Variants in CARMIL1 observed in about 807,000 individuals in gnomAD.
CARMIL1 encodes the protein F-actin-uncapping protein LRRC16A.
A neutral mutation model predicts 177.1 loss-of-function variants in CARMIL1; 90 were observed. The ratio of observed to expected loss-of-function variants is 0.51; its 90% CI spans 0.43 to 0.61. CARMIL1 has a LOEUF of 0.61. CARMIL1 is among the 20% of genes least tolerant of loss of function. CARMIL1 has a pLI of 0.00. For missense variants in CARMIL1, 1,380 were observed against 1,667.0 expected (o/e 0.83, Z 3.00); for synonymous variants, 577 against 606.2 (o/e 0.95, Z 0.71).
At chr6:25,350,207 T>G (rs2150356378) in intron 2 of CARMIL1, among the ~76,000 whole-genome samples, 1 of 152,240 alleles carries the variant, frequency 6.6e-6, no homozygotes. Context: ...CAGTATTAAC[T>G]CCCCTCCAGG....
At chr6:25,514,550 C>CAAAAA (rs66490833) in intron 20 of CARMIL1, among the ~76,000 whole-genome samples, 16,524 of 83,306 alleles carry the variant, frequency 0.2, 1,631 homozygotes, top group Non-Finnish European at 0.24. Context: ...GACCTTGTCT[C>CAAAAA]AAAAAAAAAA....
chr6:25,617,032 A>C (rs936993408), intron 36 of CARMIL1, among the ~76,000 whole-genome samples: 2 of 152,222 alleles, frequency 1.3e-5, no homozygotes, highest in African/African-American at 2.4e-5. Context: ...ATGGAGGTGA[A>C]TATATTTAGA....
chr6:25,412,520 G>T (rs546555901), intron 2 of CARMIL1, among the ~76,000 whole-genome samples: 1 of 152,326 alleles, frequency 6.6e-6, no homozygotes, highest in East Asian at 1.9e-4. Context: ...AGTCTAGGCT[G>T]CAGTGAGCTG....
rs760218120 is a variant in CARMIL1, at chr6:25,491,991, T to C, written c.1187T>C (p.Val396Ala). The stretch of plus-strand genomic sequence containing the variant: ...CGTGGATGCCTTCAATATTTAGCTG[T>C]GCTCAACCTCTCCAGAACTGTCTTC... ...LLRGCLQYLA[V>A]LNLSRTVFSH... Residue 396 changes from valine to alanine, a missense_variant, in exon 15 of 37, where the codon GTG becomes GCG. Val to Ala is a moderately conservative substitution (Grantham distance 64). Transcript: ENST00000329474. The C allele has an allele frequency of 1.2e-6, 2 of 1,613,816 alleles. No homozygotes were observed. The highest frequency in any genetic ancestry group is 1.1e-5 in the South Asian group (1 of 91,070).
At position 25,488,726 on chromosome 6, in the gene CARMIL1, G is replaced by A. The variant is rs552610919; in HGVS notation, c.1065+141G>A. 23 of 701,648 alleles carry A rather than the reference G, an allele frequency of 3.3e-5. No individual in the cohort carries two copies. The African/African-American group carries it at 3.9e-4, about 12-fold the overall frequency. The allele number at this position is 701,648 out of a possible 1,614,324, so 43.5% of individuals were successfully genotyped here. ...TTGAATCATTTAGTTACGAGCTTAT[G>A]AAGTGTTTTACTGAAAATTCCAGAG... On this transcript the variant is annotated intron_variant, in intron 13 of 36. Coordinates refer to ENST00000329474, the MANE Select transcript of CARMIL1 (RefSeq NM_017640.6).
At chr6:25,610,586 C>T (rs141013336) in intron 36 of CARMIL1, among the ~76,000 whole-genome samples, 215 of 152,206 alleles carry the variant, frequency 1.4e-3, no homozygotes, top group Middle Eastern at 6.8e-3. Context: ...TGCTATAGTT[C>T]AGGAGCAGCA....
chr6:25,396,207 C>T (rs9467484), intron 2 of CARMIL1, among the ~76,000 whole-genome samples: 63,671 of 151,692 alleles, frequency 0.42, 13,562 homozygotes, highest in Middle Eastern at 0.58. Context: ...TTTTATAAGC[C>T]ACAACATTAT....
At chr6:25,298,953 C>T (rs979836144) in intron 2 of CARMIL1, among the ~76,000 whole-genome samples, 1 of 151,896 alleles carries the variant, frequency 6.6e-6, no homozygotes, top group African/African-American at 2.4e-5. Context: ...AGGGTTTCTC[C>T]ATGTTTCAGG....
Position 25,553,878 on chromosome 6 carries a change from C to T in CARMIL1, c.2505-131C>T, listed in dbSNP as rs535949607. On this transcript the variant is annotated intron_variant, in intron 27 of 36. Coordinates refer to ENST00000329474, the MANE Select transcript of CARMIL1 (RefSeq NM_017640.6). ...TTGGAAATCCTTAGTCCTGTTCACA[C>T]ATTCTTATATTCCACTTTCAAAGAC... The T allele has an allele frequency of 2.0e-5, 13 of 641,962 alleles. No individual in the cohort carries two copies. In the East Asian group the frequency reaches 3.6e-4, roughly 18 times the overall value. The allele number at this position is 641,962 out of a possible 1,614,324, so 39.8% of individuals were successfully genotyped here.
At chr6:25,472,260 A>G (rs1016670040) in intron 10 of CARMIL1, among the ~76,000 whole-genome samples, 167 bp from the exon 11 acceptor site, 16 of 152,146 alleles carry the variant, frequency 1.1e-4, no homozygotes, top group African/African-American at 3.6e-4. Context: ...GTGGCTTTAC[A>G]AATTCTCTAA....
chr6:25,314,162 C>A (rs534502843), intron 2 of CARMIL1, among the ~76,000 whole-genome samples: 2 of 141,200 alleles, frequency 1.4e-5, no homozygotes, highest in Admixed American at 6.9e-5. Context: ...TGTGGCTGGG[C>A]CTAGTGGCTT....
Position 25,426,577 on chromosome 6 carries a change from G to C in CARMIL1, c.249+17G>C, listed in dbSNP as rs1226748546. On this transcript the variant is annotated intron_variant, in intron 4 of 36. Coordinates refer to ENST00000329474, the MANE Select transcript of CARMIL1 (RefSeq NM_017640.6). ...TCAGCTCAGGTGAGTGTGAAAAATG[G>C]ATCACTGCAAGATCATGATCTTTCT... 3 of 1,605,820 alleles carry C rather than the reference G, an allele frequency of 1.9e-6. No homozygotes were observed. The highest frequency in any genetic ancestry group is 4.5e-5 in the East Asian group (2 of 44,706).
At chr6:25,607,771 T>G (rs912164830) in intron 35 of CARMIL1, among the ~76,000 whole-genome samples, 26 of 152,172 alleles carry the variant, frequency 1.7e-4, no homozygotes, top group African/African-American at 6.0e-4. Flanking sequence ...GTGGCCAGCT[T>G]GGACAGTCCC....
rs1781408818 is a variant in CARMIL1, at chr6:25,284,798, C to A, written c.41-14C>A. 2.4e-6 allele frequency: 3 copies of A among 1,228,142 alleles called. No homozygotes were observed. Among genetic ancestry groups the A allele is most frequent in the Non-Finnish European group, 2.3e-6 (2 of 888,614 alleles). 76.1% of individuals were successfully genotyped at this position (1,228,142 alleles called of 1,614,324 possible). A position where few individuals can be genotyped will look rare whatever the true frequency, so the allele number is the denominator to read the frequency against. On this transcript the variant is annotated splice_polypyrimidine_tract_variant and intron_variant, in intron 1 of 36. Transcript: ENST00000329474. The stretch of plus-strand genomic sequence containing the variant: ...TTTTTTCTTATTAATAACATAATTC[C>A]TTTTTTTTTTCAGAAAGCATAAAGG...
intron 27 of CARMIL1, among the ~76,000 whole-genome samples, chr6:25,552,626 G>A (rs1045027967): frequency 1.3e-5 from 2 of 152,148 alleles, no homozygotes; most frequent in African/African-American, 2.4e-5. Flanking sequence ...TAACCAGGAA[G>A]GAAGCATAGT....
chr6:25,541,665 G>GT (rs1446812302), intron 26 of CARMIL1, among the ~76,000 whole-genome samples: 1 of 151,974 alleles, frequency 6.6e-6, no homozygotes, highest in Non-Finnish European at 1.5e-5. Context: ...CTTTTTGTTT[G>GT]TTTTTTGAGA....
intron 2 of CARMIL1, among the ~76,000 whole-genome samples, chr6:25,323,146 G>T (rs901960690): frequency 6.6e-6 from 1 of 151,864 alleles, no homozygotes; most frequent in African/African-American, 2.4e-5. Flanking sequence ...TCTAATAGAC[G>T]CACAGACACA....
In CARMIL1 at chr6:25,577,151, A is replaced by C; in HGVS notation, c.2743-3773A>C. On this transcript the variant is annotated intron_variant, in intron 29 of 36. Coordinates refer to ENST00000329474, the MANE Select transcript of CARMIL1 (RefSeq NM_017640.6). This position sits in a 1 kb window ranked among gnomAD's most constrained non-coding sequence, Gnocchi z 4.5. ...AAATAGGCAACAATTTAGAGACAAG[A>C]TTGGATTTTGCAAGATGGTTCAGCT... 1 of 985,052 alleles carries C rather than the reference A, an allele frequency of 1.0e-6. No homozygotes were observed. Among genetic ancestry groups the C allele is most frequent in the South Asian group, 4.7e-5 (1 of 21,270 alleles). The allele number at this position is 985,052 out of a possible 1,614,324, so 61.0% of individuals were successfully genotyped here.
rs1363436569 is a variant in CARMIL1 at position 25,556,785 on chromosome 6, C to T, written c.2677C>T (p.Arg893Cys). Residue 893 changes from arginine to cysteine, a missense_variant, in exon 29 of 37, where the codon CGT (arginine) becomes TGT (cysteine). Coordinates refer to ENST00000329474, the MANE Select transcript of CARMIL1 (RefSeq NM_017640.6). ...IELAEEKPVK[R>C]SIITVEELTE... The stretch of plus-strand genomic sequence containing the variant: ...GCTGGCTGAGGAGAAGCCAGTTAAA[C>T]GTTCCATCATCACAGTGGAGGAGCT... The T allele has an allele frequency of 2.4e-5, 38 of 1,613,480 alleles. No homozygotes were observed. The highest frequency in any genetic ancestry group is 3.0e-5 in the Non-Finnish European group (35 of 1,179,694).
Sources: allele counts gnomAD v4.1 joint callset (sites outside exome capture counted in the v4.1 genomes callset), GRCh38; gene constraint gnomAD v4.1.1; non-coding constraint Gnocchi (gnomAD v3.1); transcripts MANE v1.5; gene names NCBI Gene and HGNC (gene_info 2026-07-23, HGNC 2026-07-21).